Variants in PTAFR observed in about 807,000 individuals in gnomAD.
PTAFR encodes the protein platelet-activating factor receptor.
In PTAFR, 8 loss-of-function variants were observed where a neutral mutation model predicts 14.7. The observed-to-expected ratio is 0.54, with a 90% CI of 0.32 to 0.98. The LOEUF is 0.98. PTAFR is among the 50% of genes least tolerant of loss of function. The probability of loss-of-function intolerance (pLI) is 0.04; values close to 1 mark genes in which losing one functional copy is unlikely to be tolerated. For synonymous variants in PTAFR, 156 were observed against 176.5 expected, an observed-to-expected ratio of 0.88 and a Z score of 0.92; for missense variants, 337 against 451.2, an observed-to-expected ratio of 0.75 and a Z score of 2.29.
At chr1:28,156,783 G>A (rs140905043) in intron 1 of PTAFR, among the ~76,000 whole-genome samples, 118 of 152,216 alleles carry the variant, frequency 7.8e-4, no homozygotes, top group African/African-American at 2.7e-3. Flanking sequence ...ATCCAGGACC[G>A]GCCTTGTTTC....
chr1:28,182,962 C>G (rs1646574524), intron 1 of PTAFR, among the ~76,000 whole-genome samples: 1 of 152,058 alleles, frequency 6.6e-6, no homozygotes, highest in Admixed American at 6.6e-5. Context: ...ATTACAGGTG[C>G]GAGCCACCAG....
upstream of PTAFR, among the ~76,000 whole-genome samples, chr1:28,180,252 C>A (rs553008592): frequency 2.0e-5 from 3 of 152,092 alleles, no homozygotes; most frequent in African/African-American, 7.2e-5. Flanking sequence ...TGGTGGCTCA[C>A]GCCTGTAATC....
intron 1 of PTAFR, among the ~76,000 whole-genome samples, chr1:28,155,460 G>C (rs754877850): frequency 6.6e-6 from 1 of 151,964 alleles, no homozygotes; most frequent in Non-Finnish European, 1.5e-5. Flanking sequence ...CCGCCACCTC[G>C]GCCTCCCAAA....
intron 1 of PTAFR, among the ~76,000 whole-genome samples, chr1:28,170,892 C>T (rs1646446365): frequency 6.7e-6 from 1 of 149,994 alleles, no homozygotes; most frequent in Non-Finnish European, 1.5e-5. Flanking sequence ...CCCAGCTATT[C>T]GGGAGGCTGA....
At chr1:28,157,736 C>T (rs1275879798) in intron 1 of PTAFR, among the ~76,000 whole-genome samples, 1 of 151,470 alleles carries the variant, frequency 6.6e-6, no homozygotes, top group Non-Finnish European at 1.5e-5. Flanking sequence ...TCACGCCATT[C>T]TCCTGCCTCA....
chr1:28,175,387 T>C (rs75744605), intron 1 of PTAFR, among the ~76,000 whole-genome samples: 1,602 of 152,082 alleles, frequency 0.011, 29 homozygotes, highest in African/African-American at 0.037. Context: ...TGTCAGCACC[T>C]AAAGATAGTG....
chr1:28,166,716 C>T (rs1186201350), intron 1 of PTAFR, among the ~76,000 whole-genome samples: 1 of 151,788 alleles, frequency 6.6e-6, no homozygotes, highest in Non-Finnish European at 1.5e-5. Context: ...GTGGCTCATG[C>T]CTGTAATCCC....
intron 1 of PTAFR, among the ~76,000 whole-genome samples, chr1:28,193,372 C>T (rs538745425): frequency 2.6e-5 from 4 of 151,812 alleles, no homozygotes; most frequent in Admixed American, 1.3e-4. Flanking sequence ...GGTGCCCGTT[C>T]GTGTATGTGT....
rs1476872614 is a variant in PTAFR, at chr1:28,150,646, C to A, written c.376G>T (p.Ala126Ser). 6.2e-7 allele frequency: 1 copy of A among 1,614,018 alleles called. No homozygotes were observed. The highest frequency in any genetic ancestry group is 8.5e-7 in the Non-Finnish European group (1 of 1,180,042). Residue 126 changes from alanine to serine, a missense_variant, in exon 2 of 2, where the codon GCT becomes TCT. Physicochemically the swap from Ala to Ser is moderately conservative, Grantham distance 99. Coordinates refer to ENST00000373857, the MANE Select transcript of PTAFR (RefSeq NM_000952.5). The surrounding 1 kb of genome is among the most constrained non-coding windows in gnomAD (Gnocchi z 6.3). ...CCACGCTTGCGGGTGTTGGCCTGAG[C>A]AGTCTTGATGGGCCGAGTTACTGCC... ...FQAVTRPIKT[A>S]QANTRKRGIS...
At chr1:28,189,398 G>A (rs1334597090) in intron 1 of PTAFR, among the ~76,000 whole-genome samples, 1 of 151,974 alleles carries the variant, frequency 6.6e-6, no homozygotes, top group African/African-American at 2.4e-5. Context: ...CAGATCACGA[G>A]GTCAGGAGTT....
chr1:28,185,649 A>T (rs1446785814), intron 1 of PTAFR, among the ~76,000 whole-genome samples: 1 of 152,250 alleles, frequency 6.6e-6, no homozygotes, highest in African/African-American at 2.4e-5. Context: ...GGGAATAATC[A>T]TATAGGAATA....
intron 1 of PTAFR, among the ~76,000 whole-genome samples, chr1:28,156,064 C>A (rs748626274): frequency 6.6e-5 from 10 of 151,996 alleles, no homozygotes; most frequent in Non-Finnish European, 1.3e-4. Flanking sequence ...GAGTTCGAGA[C>A]CAGCCTGGCC....
At chr1:28,160,696 C>T (rs1244905114) in intron 1 of PTAFR, among the ~76,000 whole-genome samples, 1 of 152,132 alleles carries the variant, frequency 6.6e-6, no homozygotes, top group African/African-American at 2.4e-5. Context: ...TCAGAGCCTC[C>T]CCAGTCCACA....
At chr1:28,171,424 T>C (rs956552463) in intron 1 of PTAFR, among the ~76,000 whole-genome samples, 4 of 152,150 alleles carry the variant, frequency 2.6e-5, no homozygotes, top group African/African-American at 9.7e-5. Context: ...CATGAGTTAC[T>C]TCCTGTTCTG....
At chr1:28,163,834 A>G (rs550278282) in intron 1 of PTAFR, among the ~76,000 whole-genome samples, 8 of 152,338 alleles carry the variant, frequency 5.3e-5, no homozygotes, top group African/African-American at 1.9e-4. Flanking sequence ...TAATGGCAAC[A>G]AAGCTTTCAA....
In PTAFR at chr1:28,159,069, G is replaced by A. The variant is rs571092098; in HGVS notation, c.-38-8010C>T. Among the ~76,000 whole-genome samples the A allele has an allele frequency of 3.9e-5, 6 of 152,322 alleles. No homozygotes were observed. The East Asian group carries it at 1.2e-3, about 29-fold the overall frequency. Reference sequence around the variant, plus strand: ...AAGGAGGAAACAAAGAGAACTGCCAGGTGTCTGGGCCAGATGATTGAGGAC... The same window carrying A: ...AAGGAGGAAACAAAGAGAACTGCCAAGTGTCTGGGCCAGATGATTGAGGAC... On this transcript the variant is annotated intron_variant, in intron 1 of 1. Transcript: ENST00000373857.
intron 1 of PTAFR, among the ~76,000 whole-genome samples, chr1:28,172,957 A>G (rs1387860028): frequency 6.6e-6 from 1 of 152,046 alleles, no homozygotes; most frequent in African/African-American, 2.4e-5. Context: ...GTACATTGAA[A>G]TGGACTTTAT....
intron 1 of PTAFR, among the ~76,000 whole-genome samples, chr1:28,193,061 G>C (rs907245342): frequency 6.6e-6 from 1 of 152,164 alleles, no homozygotes; most frequent in Non-Finnish European, 1.5e-5. Flanking sequence ...GCATGAGCTC[G>C]GGAGGGTAAG....
chr1:28,166,626 G>A (rs928990861), intron 1 of PTAFR, among the ~76,000 whole-genome samples: 19 of 151,686 alleles, frequency 1.3e-4, no homozygotes, highest in African/African-American at 4.6e-4. Context: ...AGCCAAGATC[G>A]TGCCATTGCA....
Sources: allele counts gnomAD v4.1 joint callset (sites outside exome capture counted in the v4.1 genomes callset), GRCh38; gene constraint gnomAD v4.1.1; non-coding constraint Gnocchi (gnomAD v3.1); transcripts MANE v1.5; gene names NCBI Gene and HGNC (gene_info 2026-07-23, HGNC 2026-07-21).